The following RBL1 variants were observed in gnomAD, a reference collection of about 807,000 sequenced individuals.
RBL1 encodes retinoblastoma-like protein 1.
Under a neutral mutation model 123.0 loss-of-function variants are expected in RBL1, and 82 were observed. The ratio of observed to expected loss-of-function variants is 0.67; its 90% CI spans 0.56 to 0.80. The LOEUF (loss-of-function observed/expected upper bound fraction) is 0.80, where lower values mean the gene tolerates loss of function less well. Ranked by LOEUF, RBL1 falls within the 30% of genes least tolerant of loss-of-function variation. RBL1 has a pLI of 0.00. For synonymous variants in RBL1, 405 were observed against 441.3 expected (o/e 0.92, Z 1.03); for missense variants, 1,171 against 1,299.6 (o/e 0.90, Z 1.52).
chr20:37,012,635 C>T (rs1405069604), intron 19 of RBL1, among the ~76,000 whole-genome samples: 11 of 146,382 alleles, frequency 7.5e-5, no homozygotes, highest in Non-Finnish European at 1.3e-4. Context: ...CAGCAGCCAC[C>T]CCGTCTGGGA....
chr20:37,014,819 T>A (rs570340162), intron 19 of RBL1, among the ~76,000 whole-genome samples: 3 of 151,888 alleles, frequency 2.0e-5, no homozygotes, highest in Non-Finnish European at 2.9e-5. Context: ...TCCCAGCACT[T>A]TGGGAGGCCA....
In RBL1 at chr20:37,061,310, A is replaced by G. The variant is rs377221217; in HGVS notation, c.1084-41T>C. On this transcript the variant is annotated intron_variant, in intron 8 of 21. Transcript: ENST00000373664. Reference sequence around the variant, plus strand: ...AATCCGTGAGTTTTTAAAAGTTACCATCTTCCTTATTATGTGTTTAATTCA... The same window carrying G: ...AATCCGTGAGTTTTTAAAAGTTACCGTCTTCCTTATTATGTGTTTAATTCA... 7.5e-6 allele frequency: 12 copies of G among 1,595,364 alleles called. No homozygotes were observed. The South Asian group carries it at 7.9e-5, about 11-fold the overall frequency.
chr20:37,065,622 T>A lies in RBL1; in HGVS notation c.847-149A>T, dbSNP rs977314376. On this transcript the variant is annotated intron_variant, in intron 6 of 21. Coordinates refer to ENST00000373664, the MANE Select transcript of RBL1 (RefSeq NM_002895.5). ...TTCTTTCAGACTAGGATAAACTATT[T>A]AGCATGCAAATAACTTTTTTTTTTA... 72 of 553,136 alleles carry A rather than the reference T, an allele frequency of 1.3e-4. No homozygotes were observed. In the Middle Eastern group the frequency reaches 1.5e-3, roughly 12 times the overall value. The allele number at this position is 553,136 out of a possible 1,614,324, so 34.3% of individuals were successfully genotyped here.
intron 20 of RBL1, among the ~76,000 whole-genome samples, chr20:37,004,487 C>T (rs1412439175): frequency 2.7e-5 from 4 of 150,112 alleles, no homozygotes; most frequent in East Asian, 2.0e-4. Flanking sequence ...CTGAGATGGG[C>T]GGATCACCTG....
intron 13 of RBL1, 70 bp from the exon 14 acceptor site, chr20:37,040,355 T>G: frequency 3.8e-6 from 6 of 1,558,568 alleles, no homozygotes; most frequent in Non-Finnish European, 5.2e-6. Flanking sequence ...TAAAAATGTT[T>G]TCTTTTCTTT....
chr20:37,083,919 T>C (rs1421851270), intron 2 of RBL1, among the ~76,000 whole-genome samples: 1 of 151,706 alleles, frequency 6.6e-6, no homozygotes, highest in African/African-American at 2.4e-5. Context: ...GGATTTTTTT[T>C]TTTTTTTGAG....
chr20:37,052,763 G>A (rs2064939451), intron 11 of RBL1, among the ~76,000 whole-genome samples: 1 of 152,144 alleles, frequency 6.6e-6, no homozygotes, highest in Non-Finnish European at 1.5e-5. Context: ...ACTTGCCTCA[G>A]TCTCCTAAAG....
At position 36,998,454 on chromosome 20, in the gene RBL1, C is replaced by T. The variant is rs1437722536; in HGVS notation, c.*305G>A. Reference sequence around the variant, plus strand: ...GGTCAGGCTGGTCTCGAACTCCTGACCTCCGGTGATCTGCCCGCCTTGGCC... The same window carrying T: ...GGTCAGGCTGGTCTCGAACTCCTGATCTCCGGTGATCTGCCCGCCTTGGCC... On this transcript the variant is annotated 3_prime_UTR_variant, in exon 22 of 22. Coordinates refer to ENST00000373664, the MANE Select transcript of RBL1 (RefSeq NM_002895.5). 4.2e-5 allele frequency: 9 copies of T among 213,116 alleles called. No homozygotes were observed. Among genetic ancestry groups the T allele is most frequent in the Non-Finnish European group, 5.6e-5 (6 of 106,630 alleles). 13.2% of individuals were successfully genotyped at this position (213,116 alleles called of 1,614,324 possible).
At chr20:37,086,259 CTTATT>C (rs1180987200) in intron 2 of RBL1, among the ~76,000 whole-genome samples, 4 of 152,224 alleles carry the variant, frequency 2.6e-5, no homozygotes, top group Admixed American at 1.3e-4. Context: ...TTTTTATCAT[CTTATT>C]TTATTTTTAG....
chr20:37,036,012 T>G (rs1284610764), intron 14 of RBL1, among the ~76,000 whole-genome samples: 1 of 152,192 alleles, frequency 6.6e-6, no homozygotes, highest in Admixed American at 6.5e-5. Context: ...TCAGAAGATA[T>G]GAGTAAAGAT....
At chr20:37,068,629 A>G (rs1241770641) in intron 2 of RBL1, among the ~76,000 whole-genome samples, 2 of 152,150 alleles carry the variant, frequency 1.3e-5, no homozygotes, top group Admixed American at 1.3e-4. Flanking sequence ...GTTTACTGCT[A>G]TGGAGGGAGC....
chr20:37,047,144 C>T lies in RBL1; in HGVS notation c.1514G>A (p.Cys505Tyr). 1 of 1,605,502 alleles carries T rather than the reference C, an allele frequency of 6.2e-7. No individual in the cohort carries two copies. Among genetic ancestry groups the T allele is most frequent in the Non-Finnish European group, 8.5e-7 (1 of 1,178,374 alleles). ...DIFHRSLMAC[C>Y]LEIVLFAYSS... Reference sequence around the variant, plus strand: ...ATAGGCAAAGAGCACAATTTCCAAACAACAAGCCATCAAGGAACGATGAAA... The same window carrying T: ...ATAGGCAAAGAGCACAATTTCCAAATAACAAGCCATCAAGGAACGATGAAA... The change falls in exon 12 of 22, where the codon TGT (cysteine) becomes TAT (tyrosine). Residue 505 changes from cysteine (C) to tyrosine (Y), a missense_variant. Cys to Tyr is a radical substitution (Grantham distance 194). Transcript: ENST00000373664.
intron 16 of RBL1, among the ~76,000 whole-genome samples, chr20:37,027,615 T>C (rs2064446935): frequency 1.3e-5 from 2 of 152,214 alleles, no homozygotes; most frequent in African/African-American, 4.8e-5. Flanking sequence ...CAAAATGTGC[T>C]CGTAAGAGAT....
chr20:37,078,026 G>A (rs1296832992), intron 2 of RBL1, among the ~76,000 whole-genome samples: 2 of 152,034 alleles, frequency 1.3e-5, no homozygotes, highest in Admixed American at 6.6e-5. Flanking sequence ...TTTGTAACAC[G>A]AACATTTTAG....
At chr20:37,063,686 A>G (rs1199690833) in intron 7 of RBL1, among the ~76,000 whole-genome samples, 1 of 151,378 alleles carries the variant, frequency 6.6e-6, no homozygotes, top group Non-Finnish European at 1.5e-5. Flanking sequence ...TAATTTTTGT[A>G]TTTTTAGTAG....
At chr20:37,015,082 AAG>A (rs1420679989) in intron 19 of RBL1, among the ~76,000 whole-genome samples, 2 of 151,092 alleles carry the variant, frequency 1.3e-5, no homozygotes, top group Non-Finnish European at 3.0e-5. Context: ...AAAAAAAAAA[AAG>A]AAAGAAAGAA....
chr20:36,998,902 T>G lies in RBL1; in HGVS notation c.3064A>C (p.Arg1022=), dbSNP rs752794712. ...KSLKDINNMI[R]QGEQRTKKRV... is the part of the protein sequence containing the mutation. ...TTCTTGGTTCTCTGCTCACCTTGCCTTATCATGTTGTTGATATCTTTCAAA... is the reference window on the plus strand; with the variant it reads ...TTCTTGGTTCTCTGCTCACCTTGCCGTATCATGTTGTTGATATCTTTCAAA... Residue 1022 remains arginine, a synonymous_variant, in exon 22 of 22, where the codon AGG becomes CGG. Coordinates refer to ENST00000373664, the MANE Select transcript of RBL1 (RefSeq NM_002895.5). 2 of 1,613,294 alleles carry G rather than the reference T, an allele frequency of 1.2e-6. No homozygotes were observed. Among genetic ancestry groups the G allele is most frequent in the South Asian group, 2.2e-5 (2 of 90,908 alleles).
At chr20:37,069,797 G>C (rs1288150232) in intron 2 of RBL1, among the ~76,000 whole-genome samples, 3 of 151,520 alleles carry the variant, frequency 2.0e-5, no homozygotes, top group South Asian at 4.2e-4. Flanking sequence ...GGAGGGAGGT[G>C]GGGGGGTCAG....
chr20:37,072,509 A>C (rs2065298272), intron 2 of RBL1, among the ~76,000 whole-genome samples: 1 of 152,236 alleles, frequency 6.6e-6, no homozygotes, highest in African/African-American at 2.4e-5. Context: ...TCTTAAAAAA[A>C]AAAGACTGTT....
Sources: allele counts gnomAD v4.1 joint callset (sites outside exome capture counted in the v4.1 genomes callset), GRCh38; gene constraint gnomAD v4.1.1; transcripts MANE v1.5; gene names NCBI Gene and HGNC (gene_info 2026-07-23, HGNC 2026-07-21).